The following GREM1 variants were observed in gnomAD, a reference collection of about 807,000 sequenced individuals.
The protein encoded by GREM1 is gremlin 1, DAN family BMP antagonist.
Under a neutral mutation model 13.1 loss-of-function variants are expected in GREM1, and 6 were observed. The observed-to-expected ratio is 0.46, with a 90% CI of 0.25 to 0.91. The LOEUF (loss-of-function observed/expected upper bound fraction) is 0.91. Ranked by LOEUF, GREM1 falls within the 40% of genes least tolerant of loss-of-function variation. The probability of loss-of-function intolerance (pLI) is 0.18; values close to 1 mark genes in which losing one functional copy is unlikely to be tolerated. For synonymous variants in GREM1, 98 were observed against 93.7 expected (o/e 1.05, Z -0.27); for missense variants, 185 against 233.9 (o/e 0.79, Z 1.36).
chr15:32,722,970 C>T lies in GREM1; in HGVS notation c.-2+4809C>T, dbSNP rs74421767. On this transcript the variant is annotated intron_variant, in intron 1 of 1. Coordinates refer to ENST00000651154, the MANE Select transcript of GREM1 (RefSeq NM_013372.7). ...CGGAGATGTCAGGTATCTTGATGCACCCTGAGTCTATGAGATGCAGCTTAA... is the reference window on the plus strand; with the variant it reads ...CGGAGATGTCAGGTATCTTGATGCATCCTGAGTCTATGAGATGCAGCTTAA... Among the ~76,000 whole-genome samples the T allele has an allele frequency of 1.8e-3, 278 of 152,276 alleles. 1 individual carries two copies. Among genetic ancestry groups the T allele is most frequent in the African/African-American group, 6.5e-3 (272 of 41,546 alleles).
At chr15:32,719,071 G>C (rs113280156) in intron 1 of GREM1, 3 of 154,070 alleles carry the variant, frequency 1.9e-5, no homozygotes, top group African/African-American at 7.2e-5. Flanking sequence ...TGGCGGCTGA[G>C]GCGGGTTGGC....
chr15:32,721,122 T>C (rs557114422), intron 1 of GREM1, among the ~76,000 whole-genome samples: 1 of 152,038 alleles, frequency 6.6e-6, no homozygotes, highest in African/African-American at 2.4e-5. Flanking sequence ...CGCCATTGCA[T>C]TCCAGCCTGG....
rs983326483 is a variant in GREM1, at chr15:32,742,901, C to G, written c.*11656C>G. On this transcript the variant is annotated 3_prime_UTR_variant, in exon 2 of 2. Coordinates refer to ENST00000651154, the MANE Select transcript of GREM1 (RefSeq NM_013372.7). ...GATTATTTAAATGTAAGACTTGAAA[C>G]AGTAAAACTCCTAGAAGTAAACAGA... 6.6e-6 allele frequency: 1 copy of G among 152,164 alleles called. No homozygotes were observed. The highest frequency in any genetic ancestry group is 1.5e-5 in the Non-Finnish European group (1 of 68,008). 9.4% of individuals were successfully genotyped at this position (152,164 alleles called of 1,614,324 possible). A position where few individuals can be genotyped will look rare whatever the true frequency, so the allele number is the denominator to read the frequency against.
rs2055680800 is a variant in GREM1, at chr15:32,735,108, C to T, written c.*3863C>T. 1 of 152,080 alleles carries T rather than the reference C, an allele frequency of 6.6e-6. No individual in the cohort carries two copies. 9.4% of individuals were successfully genotyped at this position (152,080 alleles called of 1,614,324 possible). On this transcript the variant is annotated 3_prime_UTR_variant, in exon 2 of 2. Coordinates refer to ENST00000651154, the MANE Select transcript of GREM1 (RefSeq NM_013372.7). ...CTTTAAAAGATAGTGAACTCCTGTC[C>T]TTGGAAATATTAAACCACAGGCTAG...
Position 32,731,513 on chromosome 15 carries a change from A to C in GREM1, c.*268A>C. ...CTGCTTTAATGGGGATGTACCAGAA[A>C]CCCACCTCACCCCGGCTCACATCTA... is the stretch of plus-strand genomic sequence containing the variant. On this transcript the variant is annotated 3_prime_UTR_variant, in exon 2 of 2. Transcript: ENST00000651154. The C allele has an allele frequency of 1.3e-5, 6 of 459,918 alleles. No homozygotes were observed. Among genetic ancestry groups the C allele is most frequent in the East Asian group, 7.5e-5 (2 of 26,834 alleles). 28.5% of individuals were successfully genotyped at this position (459,918 alleles called of 1,614,324 possible).
In GREM1 at chr15:32,743,499, A is replaced by T. The variant is rs2055779158; in HGVS notation, c.*12254A>T. 6.6e-6 allele frequency: 1 copy of T among 152,258 alleles called. No individual in the cohort carries two copies. Among genetic ancestry groups the T allele is most frequent in the African/African-American group, 2.4e-5 (1 of 41,470 alleles). The allele number at this position is 152,258 out of a possible 1,614,324, so 9.4% of individuals were successfully genotyped here. A position where few individuals can be genotyped will look rare whatever the true frequency, so the allele number is the denominator to read the frequency against. The stretch of plus-strand genomic sequence containing the variant: ...AAATTATGCCAAAATTTAGTAGCTT[A>T]AAACAACAAACATCTATTATCTCAT... On this transcript the variant is annotated 3_prime_UTR_variant, in exon 2 of 2. Transcript: ENST00000651154.
At position 32,737,281 on chromosome 15, in the gene GREM1, G is replaced by A. The variant is rs1319717438; in HGVS notation, c.*6036G>A. On this transcript the variant is annotated 3_prime_UTR_variant, in exon 2 of 2. Transcript: ENST00000651154. Reference sequence around the variant, plus strand: ...CTTTCCACCTTATTTTCTATAACTAGTATTACCTTGATACCAAATTCTGAC... The same window carrying A: ...CTTTCCACCTTATTTTCTATAACTAATATTACCTTGATACCAAATTCTGAC... 5.9e-5 allele frequency: 9 copies of A among 152,138 alleles called. No homozygotes were observed. The highest frequency in any genetic ancestry group is 4.6e-4 in the Admixed American group (7 of 15,276). The allele number at this position is 152,138 out of a possible 1,614,324, so 9.4% of individuals were successfully genotyped here.
rs968580570 is a variant in GREM1 at position 32,740,286 on chromosome 15, A to G, written c.*9041A>G. The G allele has an allele frequency of 6.6e-6, 1 of 152,262 alleles. No homozygotes were observed. The highest frequency in any genetic ancestry group is 1.5e-5 in the Non-Finnish European group (1 of 68,052). 9.4% of individuals were successfully genotyped at this position (152,262 alleles called of 1,614,324 possible). ...TCTCTGGAAACTGAGCTAATGAAAT[A>G]AACTTATGTGATTTACCTGACAGAG... is the stretch of plus-strand genomic sequence containing the variant. On this transcript the variant is annotated 3_prime_UTR_variant, in exon 2 of 2. Coordinates refer to ENST00000651154, the MANE Select transcript of GREM1 (RefSeq NM_013372.7).
chr15:32,721,793 A>G (rs2055413887), intron 1 of GREM1, among the ~76,000 whole-genome samples: 1 of 152,154 alleles, frequency 6.6e-6, no homozygotes, highest in Non-Finnish European at 1.5e-5. Flanking sequence ...CACATCTTTC[A>G]CTACAGAACA....
chr15:32,718,602 G>A (rs1421970348), intron 1 of GREM1: 3 of 387,554 alleles, frequency 7.7e-6, no homozygotes, highest in South Asian at 5.7e-5. Flanking sequence ...CATGTGCTTG[G>A]GGCGCCGCGC....
Position 32,733,506 on chromosome 15 carries a change from C to G in GREM1, c.*2261C>G, listed in dbSNP as rs1296835905. ...CTTGCACATAAGTGCAGATTTGGCT[C>G]AAGTAAAGAGAATTTCCTCAACACT... On this transcript the variant is annotated 3_prime_UTR_variant, in exon 2 of 2. Transcript: ENST00000651154. 2 of 232,332 alleles carry G rather than the reference C, an allele frequency of 8.6e-6. No homozygotes were observed. The highest frequency in any genetic ancestry group is 2.2e-5 in the African/African-American group (1 of 44,534). 14.4% of individuals were successfully genotyped at this position (232,332 alleles called of 1,614,324 possible). A position where few individuals can be genotyped will look rare whatever the true frequency, so the allele number is the denominator to read the frequency against.
In GREM1 at chr15:32,736,126, T is replaced by A. The variant is rs1432201055; in HGVS notation, c.*4881T>A. Reference sequence around the variant, plus strand: ...AGTTGGAGTTCTTTCAAAGTCCCATTCCTAGACAATTGTCACTATTTGACC... The same window carrying A: ...AGTTGGAGTTCTTTCAAAGTCCCATACCTAGACAATTGTCACTATTTGACC... On this transcript the variant is annotated 3_prime_UTR_variant, in exon 2 of 2. Transcript: ENST00000651154. The A allele has an allele frequency of 6.6e-6, 1 of 152,128 alleles. No homozygotes were observed. Among genetic ancestry groups the A allele is most frequent in the Non-Finnish European group, 1.5e-5 (1 of 68,030 alleles). The allele number at this position is 152,128 out of a possible 1,614,324, so 9.4% of individuals were successfully genotyped here. A position where few individuals can be genotyped will look rare whatever the true frequency, so the allele number is the denominator to read the frequency against.
intron 1 of GREM1, among the ~76,000 whole-genome samples, chr15:32,720,537 A>C (rs112086335): frequency 2.0e-5 from 3 of 152,172 alleles, no homozygotes; most frequent in African/African-American, 7.2e-5. Flanking sequence ...GACAGTGGTT[A>C]GGGGAGGTGA....
rs1487788584 is a variant in GREM1 at position 32,733,441 on chromosome 15, T to G, written c.*2196T>G. The stretch of plus-strand genomic sequence containing the variant: ...ATTTCGTTAACGGAGATGACTTAAG[T>G]TGGCAGCAGTAATCTTCTTTTAGGA... On this transcript the variant is annotated 3_prime_UTR_variant, in exon 2 of 2. Transcript: ENST00000651154. 4.3e-6 allele frequency: 1 copy of G among 230,376 alleles called. No homozygotes were observed. Among genetic ancestry groups the G allele is most frequent in the Non-Finnish European group, 9.4e-6 (1 of 106,844 alleles). 14.3% of individuals were successfully genotyped at this position (230,376 alleles called of 1,614,324 possible).
chr15:32,732,246 C>A lies in GREM1; in HGVS notation c.*1001C>A, dbSNP rs568132469. The A allele has an allele frequency of 9.2e-5, 22 of 238,656 alleles. No homozygotes were observed. The East Asian group carries it at 1.2e-3, about 13-fold the overall frequency. 14.8% of individuals were successfully genotyped at this position (238,656 alleles called of 1,614,324 possible). On this transcript the variant is annotated 3_prime_UTR_variant, in exon 2 of 2. Coordinates refer to ENST00000651154, the MANE Select transcript of GREM1 (RefSeq NM_013372.7). ...TCTCTGCATAGGGGTGGGAATTAAT[C>A]AAAAACCTCAGAGGCTGAAATTCCT...
At chr15:32,718,513 T>C (rs755218199) in intron 1 of GREM1, 2 of 458,388 alleles carry the variant, frequency 4.4e-6, no homozygotes, top group Non-Finnish European at 4.4e-6. Context: ...GGGCGCGAAG[T>C]CCAGGCCGCC....
chr15:32,723,045 A>G (rs566354079), intron 1 of GREM1, among the ~76,000 whole-genome samples: 121 of 152,350 alleles, frequency 7.9e-4, no homozygotes, highest in African/African-American at 2.8e-3. Context: ...GGAAATTACC[A>G]TAAAGTGTTT....
chr15:32,723,292 T>A (rs2055441902), intron 1 of GREM1, among the ~76,000 whole-genome samples: 1 of 152,194 alleles, frequency 6.6e-6, no homozygotes, highest in Non-Finnish European at 1.5e-5. Context: ...CACTGAAGAA[T>A]CAAGAGCAGT....
At chr15:32,718,200 G>T in intron 1 of GREM1, 39 bp downstream of exon 1, 1 of 1,332,554 alleles carries the variant, frequency 7.5e-7, no homozygotes. Context: ...TGAGTGGGCG[G>T]AGGGAAGAGG....
Sources: allele counts gnomAD v4.1 joint callset (sites outside exome capture counted in the v4.1 genomes callset), GRCh38; gene constraint gnomAD v4.1.1; transcripts MANE v1.5; gene names NCBI Gene and HGNC (gene_info 2026-07-23, HGNC 2026-07-21).